GLI2: variants seen among roughly 807,000 people sequenced by gnomAD.
The protein encoded by GLI2 is GLI family zinc finger 2, also known as transcription activator GLI2.
In GLI2, 22 loss-of-function variants were observed where a neutral mutation model predicts 78.9. The ratio of observed to expected loss-of-function variants is 0.28; its 90% CI spans 0.20 to 0.40. GLI2 has a LOEUF of 0.40. Ranked by LOEUF, GLI2 falls within the 10% of genes least tolerant of loss-of-function variation. The probability of loss-of-function intolerance (pLI) is 1.00; values close to 1 mark genes in which losing one functional copy is unlikely to be tolerated. For missense variants in GLI2, 2,097 were observed against 2,213.2 expected, an observed-to-expected ratio of 0.95 and a Z score of 1.05; for synonymous variants, 974 against 963.7, an observed-to-expected ratio of 1.01 and a Z score of -0.20.
intron 2 of GLI2, among the ~76,000 whole-genome samples, chr2:120,879,020 C>T (rs927973955): frequency 1.4e-4 from 22 of 152,142 alleles, no homozygotes; most frequent in African/African-American, 4.1e-4. Flanking sequence ...GAAGCTCAGT[C>T]TGCGAGCATG....
At chr2:120,854,928 G>T (rs973335297) in intron 2 of GLI2, among the ~76,000 whole-genome samples, 3 of 152,226 alleles carry the variant, frequency 2.0e-5, no homozygotes, top group African/African-American at 7.2e-5. Flanking sequence ...GCCCAGGGCT[G>T]GGCACTCTGG....
chr2:120,869,833 A>G (rs557624000), intron 2 of GLI2, among the ~76,000 whole-genome samples: 1 of 151,990 alleles, frequency 6.6e-6, no homozygotes. Flanking sequence ...GTCAAAGGAC[A>G]CCCCCTCCTG....
chr2:120,834,960 C>A (rs936333503), intron 2 of GLI2, among the ~76,000 whole-genome samples: 1 of 152,148 alleles, frequency 6.6e-6, no homozygotes, highest in South Asian at 2.1e-4. Flanking sequence ...CTCTTCAGCT[C>A]GTTTTCCACT....
At chr2:120,888,204 C>T (rs906675676) in intron 2 of GLI2, among the ~76,000 whole-genome samples, 6 of 152,200 alleles carry the variant, frequency 3.9e-5, no homozygotes, top group African/African-American at 1.2e-4. Context: ...CTGTTTTGCC[C>T]GCTGGGGCAA....
chr2:120,896,915 G>A (rs1460963840), intron 2 of GLI2, among the ~76,000 whole-genome samples: 2 of 151,292 alleles, frequency 1.3e-5, no homozygotes, highest in African/African-American at 2.5e-5. Flanking sequence ...AAAAAGTGGC[G>A]GAGATCAGGG....
At position 120,912,849 on chromosome 2, in the gene GLI2, C is replaced by T. The variant is rs553395987; in HGVS notation, c.149-14512C>T. 2.7e-3 allele frequency among the ~76,000 whole-genome samples: 407 copies of T among 152,160 alleles called. 2 individuals are homozygous for T. Among genetic ancestry groups the T allele is most frequent in the Non-Finnish European group, 4.6e-3 (310 of 68,002 alleles). On this transcript the variant is annotated intron_variant, in intron 2 of 13. Coordinates refer to ENST00000361492, the MANE Select transcript of GLI2 (RefSeq NM_001374353.1). ...CAGGGCAGAACAAGGGAGGTGCTGT[C>T]GACCAGCTCTGCGCGGAGAGGTCAA...
At chr2:120,872,820 G>A (rs1375359886) in intron 2 of GLI2, among the ~76,000 whole-genome samples, 1 of 152,232 alleles carries the variant, frequency 6.6e-6, no homozygotes, top group Non-Finnish European at 1.5e-5. Context: ...CTAGCCCATG[G>A]TAAGGGCTCA....
intron 9 of GLI2, among the ~76,000 whole-genome samples, chr2:120,976,203 C>T (rs758689574): frequency 1.4e-4 from 22 of 152,222 alleles, no homozygotes; most frequent in Non-Finnish European, 2.5e-4. Flanking sequence ...CACACACACA[C>T]ATGCACGCGT....
In GLI2 at chr2:120,797,460, C is replaced by T. The variant is rs990168694; in HGVS notation, c.140C>T (p.Ala47Val). 18 of 1,613,698 alleles carry T rather than the reference C, an allele frequency of 1.1e-5. No homozygotes were observed. Among genetic ancestry groups the T allele is most frequent in the Admixed American group, 3.3e-5 (2 of 59,990 alleles). ...GCAGCGGCAGCAGCAGCGGTAGCTG[C>T]CCAAGGAGGTACTTTCTGTTTCGCA... ...VAAAAAAAVA[A>V]QGVPQHLLPP... Residue 47 changes from alanine to valine, a missense_variant, in exon 2 of 14, where the codon GCC (alanine) becomes GTC (valine). Around this residue, in one of 5 missense-constraint regions of GLI2, gnomAD observed 578 missense variants for 612.0 expected, o/e 0.94. Transcript: ENST00000361492.
intron 2 of GLI2, among the ~76,000 whole-genome samples, chr2:120,799,016 C>G (rs755524368): frequency 6.6e-6 from 1 of 152,228 alleles, no homozygotes; most frequent in African/African-American, 2.4e-5. Flanking sequence ...TCATGAACCA[C>G]CATGGTGCAA....
chr2:120,748,933 C>T (rs1682778239), intron 1 of GLI2, among the ~76,000 whole-genome samples: 1 of 151,988 alleles, frequency 6.6e-6, no homozygotes, highest in Non-Finnish European at 1.5e-5. Context: ...CCCATTCATC[C>T]ATCCATCTAC....
intron 2 of GLI2, among the ~76,000 whole-genome samples, chr2:120,899,193 A>G (rs1678125950): frequency 6.6e-6 from 1 of 152,124 alleles, no homozygotes; most frequent in Non-Finnish European, 1.5e-5. Flanking sequence ...TGTGAGCCAG[A>G]GCAGGCTGCA....
chr2:120,871,120 T>C (rs1173689019), intron 2 of GLI2, among the ~76,000 whole-genome samples: 1 of 152,260 alleles, frequency 6.6e-6, no homozygotes, highest in Non-Finnish European at 1.5e-5. Context: ...TTCTTAGCCC[T>C]GTTCTTCTCC....
In GLI2 at chr2:120,896,679, ACACT is replaced by A. The variant is rs760935439; in HGVS notation, c.149-30678_149-30675del. ...CACACACATACACCCACCCCCCCAC[ACACT>A]CACACACACCCATACACACACACAC... On this transcript the variant is annotated intron_variant, in intron 2 of 13. Transcript: ENST00000361492. Among the ~76,000 whole-genome samples the A allele has an allele frequency of 2.5e-3, 324 of 128,922 alleles. 2 individuals are homozygous for A. The highest frequency in any genetic ancestry group is 0.013 in the South Asian group (51 of 3,908). The allele number at this position is 128,922 out of a possible 152,430, so 84.6% of individuals were successfully genotyped here. A position where few individuals can be genotyped will look rare whatever the true frequency, so the allele number is the denominator to read the frequency against.
intron 1 of GLI2, among the ~76,000 whole-genome samples, chr2:120,768,557 G>A (rs1433681158): frequency 1.3e-5 from 2 of 152,188 alleles, no homozygotes; most frequent in East Asian, 1.9e-4. Flanking sequence ...ATTCTCCAAC[G>A]CCTTTGGCAT....
chr2:120,982,143 A>C (rs1299357261), intron 10 of GLI2, among the ~76,000 whole-genome samples: 2 of 152,186 alleles, frequency 1.3e-5, no homozygotes, highest in African/African-American at 4.8e-5. Flanking sequence ...GTTTCCAGCC[A>C]GAGGGGTCGG....
chr2:120,983,236 C>T (rs796897987), intron 11 of GLI2, among the ~76,000 whole-genome samples: 21 of 152,254 alleles, frequency 1.4e-4, no homozygotes, highest in African/African-American at 4.6e-4. Context: ...CTTCTGATCT[C>T]GGAGTGTTTA....
chr2:120,918,648 C>T (rs1238931920), intron 2 of GLI2, among the ~76,000 whole-genome samples: 1 of 152,118 alleles, frequency 6.6e-6, no homozygotes, highest in African/African-American at 2.4e-5. Flanking sequence ...GCCATGTTGG[C>T]CAGGATGGTG....
intron 2 of GLI2, among the ~76,000 whole-genome samples, chr2:120,806,031 A>G (rs1165220773): frequency 6.6e-6 from 1 of 152,236 alleles, no homozygotes; most frequent in Non-Finnish European, 1.5e-5. Context: ...TTTACACACA[A>G]AATAACCTAT....
Sources: gnomAD v4.1 joint callset for allele counts (sites outside exome capture counted in the v4.1 genomes callset) on GRCh38, gnomAD v4.1.1 for gene constraint, gnomAD v4.1.1 regional missense constraint, MANE v1.5 for transcripts, NCBI Gene and HGNC (gene_info 2026-07-23, HGNC 2026-07-21) for gene names.